Variants in CCDC158 observed in about 807,000 individuals in gnomAD.
The protein encoded by CCDC158 is coiled-coil domain containing 158.
Under a neutral mutation model 138.6 loss-of-function variants are expected in CCDC158, and 116 were observed. The observed-to-expected ratio is 0.84, with a 90% confidence interval of 0.72 to 0.98. The LOEUF (loss-of-function observed/expected upper bound fraction) is 0.98. Ranked by LOEUF, CCDC158 falls within the 50% of genes least tolerant of loss-of-function variation. The pLI is 0.00. For missense variants in CCDC158, 1,265 were observed against 1,306.1 expected, an observed-to-expected ratio of 0.97 and a Z score of 0.48; for synonymous variants, 436 against 442.4, an observed-to-expected ratio of 0.99 and a Z score of 0.18.
At chr4:76,382,788 A>T in intron 7 of CCDC158, 68 bp from the exon 8 acceptor site, 1 of 1,075,408 alleles carries the variant, frequency 9.3e-7, no homozygotes, top group Non-Finnish European at 1.4e-6. Flanking sequence ...TATTTTAAAA[A>T]TTAATGATTT....
chr4:76,375,677 T>G, intron 9 of CCDC158: 1 of 699,028 alleles, frequency 1.4e-6, no homozygotes, highest in Non-Finnish European at 2.6e-6. Context: ...CTGGTCCAAA[T>G]TCGTAAAGGG....
intron 8 of CCDC158, among the ~76,000 whole-genome samples, chr4:76,381,594 T>G (rs1451852679): frequency 6.6e-6 from 1 of 152,228 alleles, no homozygotes; most frequent in African/African-American, 2.4e-5. Flanking sequence ...TGGAACGGAC[T>G]TATTTTGTCT....
intron 18 of CCDC158, among the ~76,000 whole-genome samples, chr4:76,341,414 G>T (rs984553243): frequency 1.3e-5 from 2 of 152,122 alleles, no homozygotes; most frequent in South Asian, 2.1e-4. Context: ...AATAAAAATG[G>T]AATATAAGTA....
intron 8 of CCDC158, 121 bp from the exon 9 acceptor site, chr4:76,379,525 A>G (rs1367646229): frequency 8.3e-6 from 4 of 480,544 alleles, no homozygotes; most frequent in Non-Finnish European, 1.4e-5. Context: ...TTAAGCCAAT[A>G]GTCTTTTATT....
chr4:76,356,692 T>C (rs918102213), intron 14 of CCDC158: 27 of 152,316 alleles, frequency 1.8e-4, no homozygotes, highest in African/African-American at 6.3e-4. Context: ...CTAATTTTAG[T>C]ATAAGTGCGG....
chr4:76,383,788 T>A, intron 6 of CCDC158, 50 bp from the exon 7 acceptor site: 1 of 1,273,668 alleles, frequency 7.9e-7, no homozygotes, highest in South Asian at 1.2e-5. Context: ...ATATAAGGCT[T>A]GGAAAATCTG....
chr4:76,322,702 A>C (rs1471494450), intron 24 of CCDC158, among the ~76,000 whole-genome samples: 1 of 152,196 alleles, frequency 6.6e-6, no homozygotes, highest in Non-Finnish European at 1.5e-5. Context: ...GCGGGTTATA[A>C]AAGCATGAAT....
Position 76,353,137 on chromosome 4 carries a change from C to T in CCDC158, c.2431G>A (p.Val811Met). 1 of 1,612,294 alleles carries T rather than the reference C, an allele frequency of 6.2e-7. No homozygotes were observed. The highest frequency in any genetic ancestry group is 8.5e-7 in the Non-Finnish European group (1 of 1,179,336). ...TTAATAATTACCTTATCCAGAGCCA[C>T]TTCCATATTAGTAACCTTTTCTTTC... ...RLKEKVTNME[V>M]ALDKASLQFA... The change falls in exon 16 of 25, where the codon GTG becomes ATG. Residue 811 changes from valine (V) to methionine (M), a missense_variant. By Grantham distance (21) the Val-to-Met change is conservative. Coordinates refer to ENST00000682701, the MANE Select transcript of CCDC158 (RefSeq NM_001394954.1).
In CCDC158 at chr4:76,384,088, T is replaced by G. The variant is rs1263817415; in HGVS notation, c.726A>C (p.Pro242=). ...EISYLKGRIF[P]VEDQLEALKS... ...TTTAAGTAGCATTCTCACCACTTACTGGAAATATCCTCCCTTTAAGATAAG... is the reference window on the plus strand; with the variant it reads ...TTTAAGTAGCATTCTCACCACTTACGGGAAATATCCTCCCTTTAAGATAAG... Residue 242 remains proline (P), a splice_region_variant and synonymous_variant, in exon 6 of 25, where the codon CCA becomes CCC. Transcript: ENST00000682701. The G allele has an allele frequency of 1.3e-6, 2 of 1,578,700 alleles. No individual in the cohort carries two copies. Among genetic ancestry groups the G allele is most frequent in the Non-Finnish European group, 1.7e-6 (2 of 1,153,422 alleles).
At chr4:76,357,318 A>G in intron 14 of CCDC158, 56 bp downstream of exon 14, 1 of 1,278,122 alleles carries the variant, frequency 7.8e-7, no homozygotes, top group Non-Finnish European at 1.1e-6. Flanking sequence ...GTTTTAACAA[A>G]TTTAGTCCAT....
chr4:76,418,343 G>A lies in CCDC158; in HGVS notation c.-117+2622C>T, dbSNP rs140363837. Among the ~76,000 whole-genome samples the A allele has an allele frequency of 2.6e-3, 393 of 152,274 alleles. 1 individual carries two copies. The highest frequency in any genetic ancestry group is 8.5e-3 in the African/African-American group (354 of 41,542). On this transcript the variant is annotated intron_variant, in intron 1 of 24. Coordinates refer to ENST00000682701, the MANE Select transcript of CCDC158 (RefSeq NM_001394954.1). ...TGAAAATGTTCTAAAACTGAATTGT[G>A]TGCTGATTGTACAATTCAGTAAGTT...
At chr4:76,316,965 G>A (rs975295752) in intron 24 of CCDC158, among the ~76,000 whole-genome samples, 1 of 135,982 alleles carries the variant, frequency 7.4e-6, no homozygotes, top group Non-Finnish European at 1.6e-5. Flanking sequence ...ACTAAGAAAT[G>A]CTAAAAGGAA....
At position 76,331,229 on chromosome 4, in the gene CCDC158, T is replaced by C. The variant is rs1012732679; in HGVS notation, c.2942+115A>G. On this transcript the variant is annotated intron_variant, in intron 21 of 24. Coordinates refer to ENST00000682701, the MANE Select transcript of CCDC158 (RefSeq NM_001394954.1). ...GAGCCCATATCTGTCTTGCTCACTA[T>C]ATTCTAAGGGTCTACTGCAGTGCAT... 8.1e-6 allele frequency: 7 copies of C among 862,676 alleles called. No homozygotes were observed. In the African/African-American group the frequency reaches 1.2e-4, roughly 14 times the overall value. The allele number at this position is 862,676 out of a possible 1,614,324, so 53.4% of individuals were successfully genotyped here.
chr4:76,358,426 C>T (rs1286857879), intron 13 of CCDC158, among the ~76,000 whole-genome samples: 1 of 152,166 alleles, frequency 6.6e-6, no homozygotes, highest in Non-Finnish European at 1.5e-5. Flanking sequence ...TACTTACTGA[C>T]ACAGTCCATC....
intron 3 of CCDC158, among the ~76,000 whole-genome samples, chr4:76,397,366 T>C (rs769912798): frequency 3.9e-5 from 6 of 152,170 alleles, no homozygotes; most frequent in Non-Finnish European, 7.3e-5. Context: ...TTCTGAGCCA[T>C]ATAAATGTTA....
intron 15 of CCDC158, among the ~76,000 whole-genome samples, chr4:76,354,800 T>G (rs1723386776): frequency 6.6e-6 from 1 of 152,218 alleles, no homozygotes; most frequent in African/African-American, 2.4e-5. Flanking sequence ...CACAATAACA[T>G]ACGAGCTGCA....
chr4:76,341,327 C>G (rs1337932427), intron 18 of CCDC158, among the ~76,000 whole-genome samples: 1 of 152,168 alleles, frequency 6.6e-6, no homozygotes, highest in Admixed American at 6.5e-5. Flanking sequence ...ACAGCTTGAT[C>G]TCATTCAGCT....
intron 9 of CCDC158, chr4:76,375,445 C>T: frequency 1.8e-6 from 1 of 563,196 alleles, no homozygotes; most frequent in South Asian, 2.4e-5. Context: ...CATGGCGGTG[C>T]ATTGGCAGAA....
At chr4:76,367,259 T>A (rs1370995733) in intron 12 of CCDC158, 35 bp downstream of exon 12, 1 of 1,583,564 alleles carries the variant, frequency 6.3e-7, no homozygotes, top group East Asian at 2.2e-5. Context: ...ATAAATGATA[T>A]TTCAGAAGTT....
Sources: allele counts gnomAD v4.1 joint callset (sites outside exome capture counted in the v4.1 genomes callset), GRCh38; gene constraint gnomAD v4.1.1; transcripts MANE v1.5; gene names NCBI Gene and HGNC (gene_info 2026-07-23, HGNC 2026-07-21).